Variants in GTF2I observed in about 807,000 individuals in gnomAD.
GTF2I encodes the protein general transcription factor II-I.
Under a neutral mutation model 67.6 loss-of-function variants are expected in GTF2I, and 12 were observed. That is an observed-to-expected ratio of 0.18 (90% CI 0.11 to 0.29). The LOEUF (loss-of-function observed/expected upper bound fraction) is 0.29. GTF2I is among the 10% of genes least tolerant of loss of function. The pLI is 1.00. For missense variants in GTF2I, 271 were observed against 580.1 expected (o/e 0.47, Z 5.47); for synonymous variants, 149 against 197.0 (o/e 0.76, Z 2.04).
chr7:74,673,834 C>G (rs1207871148), intron 1 of GTF2I, among the ~76,000 whole-genome samples: 1 of 151,772 alleles, frequency 6.6e-6, no homozygotes, highest in African/African-American at 2.4e-5. Flanking sequence ...GCACCCACCA[C>G]CACACCCAGC....
At position 74,670,463 on chromosome 7, in the gene GTF2I, G is replaced by A. The variant is rs587617700; in HGVS notation, c.-6+12395G>A. 2.6e-5 allele frequency among the ~76,000 whole-genome samples: 4 copies of A among 152,138 alleles called. No homozygotes were observed. The East Asian group carries it at 5.8e-4, about 22-fold the overall frequency. On this transcript the variant is annotated intron_variant, in intron 1 of 34. Coordinates refer to ENST00000573035, the MANE Select transcript of GTF2I (RefSeq NM_032999.4). ...TGTAATCCCAGCACTTTGGGAGGCC[G>A]AGGTGGGTGGATCATCTGAGGTCAG...
intron 23 of GTF2I, among the ~76,000 whole-genome samples, chr7:74,746,644 AG>A (rs1444647352): frequency 3.6e-5 from 1 of 27,672 alleles, no homozygotes; most frequent in African/African-American, 2.2e-4. Flanking sequence ...CCCCAAGAAA[AG>A]TCCTAAAATG....
intron 12 of GTF2I, among the ~76,000 whole-genome samples, chr7:74,720,589 A>G (rs1554404409): frequency 1.3e-5 from 2 of 152,158 alleles, no homozygotes; most frequent in Admixed American, 6.5e-5. Flanking sequence ...AACAGGAAAA[A>G]AACTTAAGAA....
At chr7:74,718,756 G>T in intron 11 of GTF2I, 123 bp from the exon 12 acceptor site, 1 of 555,966 alleles carries the variant, frequency 1.8e-6, no homozygotes, top group South Asian at 2.3e-5. Flanking sequence ...AATATGAAAT[G>T]AATGAAAATG....
intron 1 of GTF2I, among the ~76,000 whole-genome samples, chr7:74,674,851 AAT>A (rs1485357731): frequency 2.0e-5 from 3 of 148,272 alleles, no homozygotes; most frequent in South Asian, 2.1e-4. Context: ...CCAGCCCTCT[AAT>A]ATATATATAT....
intron 6 of GTF2I, among the ~76,000 whole-genome samples, chr7:74,704,855 T>TA (rs35715710): frequency 0.013 from 1,024 of 76,974 alleles, 20 homozygotes; most frequent in Non-Finnish European, 0.017. Flanking sequence ...ACCCTGTTTC[T>TA]AAAAAAAAAA....
intron 14 of GTF2I, among the ~76,000 whole-genome samples, chr7:74,731,719 A>G (rs1409059287): frequency 6.7e-6 from 1 of 148,228 alleles, no homozygotes; most frequent in Non-Finnish European, 1.5e-5. Context: ...TAATTTTTGT[A>G]TTTTTAGTAG....
chr7:74,719,528 A>G (rs1554404175), intron 12 of GTF2I, among the ~76,000 whole-genome samples: 2 of 152,228 alleles, frequency 1.3e-5, no homozygotes, highest in Non-Finnish European at 2.9e-5. Flanking sequence ...CAGCTGAGCC[A>G]GTTTATCCTG....
chr7:74,705,340 C>A, intron 7 of GTF2I, 122 bp downstream of exon 7: 1 of 672,018 alleles, frequency 1.5e-6, no homozygotes, highest in Non-Finnish European at 2.7e-6. Flanking sequence ...GTTTAATAGG[C>A]AAGGATATCA....
At chr7:74,705,815 C>T (rs1387319374) in intron 7 of GTF2I, among the ~76,000 whole-genome samples, 2 of 151,888 alleles carry the variant, frequency 1.3e-5, no homozygotes, top group African/African-American at 4.8e-5. Flanking sequence ...CCACCTGCCT[C>T]GGCCTCCCAA....
intron 1 of GTF2I, among the ~76,000 whole-genome samples, chr7:74,683,982 C>CT (rs1357072863): frequency 1.3e-5 from 2 of 151,862 alleles, no homozygotes; most frequent in Non-Finnish European, 2.9e-5. Context: ...TGGGAGACCT[C>CT]TGAGTTTTGA....
At chr7:74,668,598 G>C (rs587616785) in intron 1 of GTF2I, among the ~76,000 whole-genome samples, 1 of 151,756 alleles carries the variant, frequency 6.6e-6, no homozygotes, top group South Asian at 2.1e-4. Context: ...TATCGAGATG[G>C]AGTCTCACTC....
At chr7:74,670,320 T>C (rs1805341293) in intron 1 of GTF2I, among the ~76,000 whole-genome samples, 1 of 152,180 alleles carries the variant, frequency 6.6e-6, no homozygotes, top group Non-Finnish European at 1.5e-5. Flanking sequence ...AGGACTTGAA[T>C]TCAGAACTTT....
Position 74,693,888 on chromosome 7 carries a change from G to A in GTF2I, c.238+2777G>A, listed in dbSNP as rs587749808. On this transcript the variant is annotated intron_variant, in intron 3 of 34. Transcript: ENST00000573035. ...TTAGGCCAATTAATAGACCTATAGT[G>A]GCCTCTGAGTGTTCAAGTGAAAGGA... Among the ~76,000 whole-genome samples, 10 of 152,212 alleles carry A rather than the reference G, an allele frequency of 6.6e-5. No individual in the cohort carries two copies. In the South Asian group the frequency reaches 2.1e-3, roughly 32 times the overall value.
chr7:74,723,428 CT>C lies in GTF2I; in HGVS notation c.943+4507del, dbSNP rs58149301. 3.5e-3 allele frequency among the ~76,000 whole-genome samples: 216 copies of C among 61,076 alleles called. 6 individuals carry two copies. Among genetic ancestry groups the C allele is most frequent in the African/African-American group, 9.6e-3 (116 of 12,114 alleles). 40.1% of individuals were successfully genotyped at this position (61,076 alleles called of 152,430 possible). A position where few individuals can be genotyped will look rare whatever the true frequency, so the allele number is the denominator to read the frequency against. On this transcript the variant is annotated intron_variant, in intron 12 of 34. Coordinates refer to ENST00000573035, the MANE Select transcript of GTF2I (RefSeq NM_032999.4). The stretch of plus-strand genomic sequence containing the variant: ...AGGCATAAGCCACCGCTCCCGGCCT[CT>C]TTTTTTTTTTTTTTTTTTTAAGACG...
intron 6 of GTF2I, among the ~76,000 whole-genome samples, chr7:74,702,445 C>T (rs1789930870): frequency 6.6e-6 from 1 of 152,154 alleles, no homozygotes; most frequent in East Asian, 1.9e-4. Context: ...CCAGGATGGT[C>T]TCAATCTCTT....
chr7:74,668,166 T>C (rs1230454294), intron 1 of GTF2I, among the ~76,000 whole-genome samples: 1 of 138,540 alleles, frequency 7.2e-6, no homozygotes, highest in Non-Finnish European at 1.5e-5. Context: ...AGTTCAGTGG[T>C]GCAGAACTTT....
intron 11 of GTF2I, 135 bp downstream of exon 11, chr7:74,717,085 G>A: frequency 2.3e-6 from 3 of 1,290,750 alleles, no homozygotes; most frequent in Non-Finnish European, 3.1e-6. Context: ...TAGCCAACAG[G>A]TTATTATTTT....
At chr7:74,685,694 A>G (rs1787653778) in intron 1 of GTF2I, among the ~76,000 whole-genome samples, 1 of 147,408 alleles carries the variant, frequency 6.8e-6, no homozygotes, top group Admixed American at 6.8e-5. Flanking sequence ...TTGAACCCGG[A>G]AGGCCGAGGT....
Sources: gnomAD v4.1 joint callset for allele counts (sites outside exome capture counted in the v4.1 genomes callset) on GRCh38, gnomAD v4.1.1 for gene constraint, MANE v1.5 for transcripts, NCBI Gene and HGNC (gene_info 2026-07-23, HGNC 2026-07-21) for gene names.